Variants in MYT1L observed in about 807,000 individuals in gnomAD.
The protein encoded by MYT1L is myelin transcription factor 1 like, also known as myelin transcription factor 1-like protein.
MYT1L carries 12 observed loss-of-function variants against 126.7 expected under a neutral mutation model. The observed-to-expected ratio is 0.09, with a 90% CI of 0.06 to 0.15. MYT1L has a LOEUF of 0.15. Among genes scored for constraint, MYT1L ranks in the 10% least tolerant of loss-of-function variants. The pLI, the probability that MYT1L is intolerant of heterozygous loss-of-function variation, is 1.00. For missense variants in MYT1L, 979 were observed against 1,585.2 expected (o/e 0.62, Z 6.49); for synonymous variants, 541 against 604.2 (o/e 0.90, Z 1.53).
intron 2 of MYT1L, among the ~76,000 whole-genome samples, chr2:2,276,289 C>A (rs916971740): frequency 1.1e-4 from 16 of 152,216 alleles, no homozygotes; most frequent in African/African-American, 3.6e-4. Context: ...CTGCCCCCTA[C>A]ACAGCCCTGA....
intron 3 of MYT1L, among the ~76,000 whole-genome samples, chr2:2,166,454 G>A (rs2089136589): frequency 1.3e-5 from 2 of 152,178 alleles, no homozygotes; most frequent in Non-Finnish European, 2.9e-5. Context: ...TATAATGAGG[G>A]GAGAAGGGGT....
chr2:2,287,750 A>T (rs1002760948), intron 1 of MYT1L, among the ~76,000 whole-genome samples: 18 of 152,352 alleles, frequency 1.2e-4, no homozygotes, highest in Admixed American at 3.9e-4. Context: ...ATAGTCTTTT[A>T]AACAAAGTTG....
intron 3 of MYT1L, among the ~76,000 whole-genome samples, chr2:2,163,492 G>C (rs571843197): frequency 6.6e-6 from 1 of 151,940 alleles, no homozygotes; most frequent in Non-Finnish European, 1.5e-5. Flanking sequence ...TTGGGAGGCC[G>C]AGGCGGGTGG....
At chr2:1,829,710 C>CTCCCATACACCTGTGAACTGACCT (rs2039871533) in intron 21 of MYT1L, among the ~76,000 whole-genome samples, 1 of 108,844 alleles carries the variant, frequency 9.2e-6, no homozygotes, top group Admixed American at 8.2e-5. Context: ...TGAATTGACC[C>CTCCCATACACCTGTGAACTGACCT]TCCCATACAC....
intron 3 of MYT1L, among the ~76,000 whole-genome samples, chr2:2,132,543 A>G (rs1339655096): frequency 3.7e-5 from 5 of 136,098 alleles, no homozygotes; most frequent in South Asian, 5.2e-4. Flanking sequence ...ATGGACACAG[A>G]GAGGGGAACA....
intron 4 of MYT1L, among the ~76,000 whole-genome samples, chr2:2,010,493 G>A (rs1395047956): frequency 6.6e-6 from 1 of 152,036 alleles, no homozygotes; most frequent in African/African-American, 2.4e-5. Context: ...AAAGGCACAT[G>A]GGAGGTGCCA....
At chr2:2,286,115 T>C (rs1321351639) in intron 1 of MYT1L, among the ~76,000 whole-genome samples, 2 of 152,190 alleles carry the variant, frequency 1.3e-5, no homozygotes, top group Non-Finnish European at 2.9e-5. Flanking sequence ...TGTGAGTAGC[T>C]AGGAATACTG....
intron 1 of MYT1L, among the ~76,000 whole-genome samples, chr2:2,330,311 A>G (rs1239551000): frequency 6.6e-6 from 1 of 152,120 alleles, no homozygotes; most frequent in African/African-American, 2.4e-5. Context: ...TGTTCTCTAT[A>G]TTTTATATAG....
chr2:2,004,675 C>CTTCTTTCCTGCGTGCA (rs2062968028), intron 4 of MYT1L, among the ~76,000 whole-genome samples: 2 of 80,486 alleles, frequency 2.5e-5, no homozygotes, highest in African/African-American at 5.4e-5. Flanking sequence ...TCCTGCGTGC[C>CTTCTTTCCTGCGTGCA]TTCTTTCCTG....
At chr2:2,310,187 T>C (rs1002986981) in intron 1 of MYT1L, among the ~76,000 whole-genome samples, 4 of 152,142 alleles carry the variant, frequency 2.6e-5, no homozygotes, top group Admixed American at 2.6e-4. Context: ...CTATCTATAC[T>C]CCACCTATAC....
rs552840967 is a variant in MYT1L, at chr2:2,072,596, C to G, written c.-303-18473G>C. Among the ~76,000 whole-genome samples the G allele has an allele frequency of 4.6e-5, 7 of 152,266 alleles. 1 individual carries two copies. In the Middle Eastern group the frequency reaches 0.014, roughly 296 times the overall value. The stretch of plus-strand genomic sequence containing the variant: ...TCACAGTTCTGGAGGCTGGAAGTCT[C>G]ATATGGTTTGGCTCTGTGTCCCCGC... On this transcript the variant is annotated intron_variant, in intron 3 of 24. Transcript: ENST00000647738.
At chr2:2,004,976 CTTCTTTCCTGCAGGCG>C (rs1380594801) in intron 4 of MYT1L, among the ~76,000 whole-genome samples, 18 of 101,978 alleles carry the variant, frequency 1.8e-4, no homozygotes, top group East Asian at 3.0e-4. Context: ...TCCTGCATGC[CTTCTTTCCTGCAGGCG>C]TTCTTTCCTG....
At chr2:2,273,488 T>TC in intron 2 of MYT1L, among the ~76,000 whole-genome samples, 1 of 152,288 alleles carries the variant, frequency 6.6e-6, no homozygotes, top group African/African-American at 2.4e-5. Context: ...ATGTTCTACC[T>TC]CCCCAGATAG....
intron 1 of MYT1L, among the ~76,000 whole-genome samples, chr2:2,297,717 G>T (rs1308343881): frequency 6.6e-6 from 1 of 152,144 alleles, no homozygotes; most frequent in African/African-American, 2.4e-5. Flanking sequence ...CCTTTCTACA[G>T]CATGAAGCAT....
At chr2:1,907,585 C>T (rs964145758) in intron 13 of MYT1L, among the ~76,000 whole-genome samples, 6 of 152,192 alleles carry the variant, frequency 3.9e-5, no homozygotes, top group Admixed American at 6.5e-5. Flanking sequence ...GAGGGCCATA[C>T]GCCACACCCT....
rs537171055 is a variant in MYT1L at position 2,063,289 on chromosome 2, T to C, written c.-303-9166A>G. On this transcript the variant is annotated intron_variant, in intron 3 of 24. Coordinates refer to ENST00000647738, the MANE Select transcript of MYT1L (RefSeq NM_001303052.2). ...CTTTGTTTCTCTTCAACAGTCTTTA[T>C]TTTCTTCTTTTTTGTTTGTTTGGGT... Among the ~76,000 whole-genome samples the C allele has an allele frequency of 2.0e-5, 3 of 152,358 alleles. No homozygotes were observed. The East Asian group carries it at 5.8e-4, about 29-fold the overall frequency.
intron 3 of MYT1L, among the ~76,000 whole-genome samples, chr2:2,139,620 CAG>C (rs1452402783): frequency 6.6e-6 from 1 of 151,628 alleles, no homozygotes; most frequent in Non-Finnish European, 1.5e-5. Context: ...GCCTGGGTGA[CAG>C]AGCGACACTC....
intron 14 of MYT1L, chr2:1,902,850 G>A (rs577829006): frequency 2.3e-4 from 128 of 544,688 alleles, no homozygotes; most frequent in African/African-American, 1.1e-3. Context: ...GCGCTGTCTC[G>A]GAATTATTGA....
At chr2:1,832,274 G>C (rs1258406758) in intron 21 of MYT1L, among the ~76,000 whole-genome samples, 1 of 152,188 alleles carries the variant, frequency 6.6e-6, no homozygotes, top group Non-Finnish European at 1.5e-5. Flanking sequence ...CAACCAGGAA[G>C]AGAGGCCTCC....
Sources: allele counts gnomAD v4.1 joint callset (sites outside exome capture counted in the v4.1 genomes callset), GRCh38; gene constraint gnomAD v4.1.1; transcripts MANE v1.5; gene names NCBI Gene and HGNC (gene_info 2026-07-23, HGNC 2026-07-21).